GABRP: variants seen among roughly 807,000 people sequenced by gnomAD.
GABRP encodes gamma-aminobutyric acid type A receptor subunit pi.
A neutral mutation model predicts 47.8 loss-of-function variants in GABRP; 52 were observed. That is an observed-to-expected ratio of 1.09 (90% CI 0.87 to 1.37). The LOEUF (loss-of-function observed/expected upper bound fraction) is 1.37. Ranked by LOEUF, GABRP falls within the 40% of genes most tolerant of loss-of-function variation. The pLI, the probability that GABRP is intolerant of heterozygous loss-of-function variation, is 0.00. For synonymous variants in GABRP, 221 were observed against 205.8 expected, an observed-to-expected ratio of 1.07 and a Z score of -0.63; for missense variants, 525 against 542.8, an observed-to-expected ratio of 0.97 and a Z score of 0.33.
chr5:170,795,452 G>T (rs776732258), intron 5 of GABRP, 27 bp downstream of exon 5: 1 of 1,575,668 alleles, frequency 6.3e-7, no homozygotes, highest in South Asian at 1.1e-5. Context: ...GACCTCAGGG[G>T]TGGAGGACGG....
At chr5:170,806,528 C>T (rs978286862) in intron 7 of GABRP, among the ~76,000 whole-genome samples, 4 of 152,150 alleles carry the variant, frequency 2.6e-5, no homozygotes, top group Non-Finnish European at 5.9e-5. Flanking sequence ...CTGCAACCTT[C>T]GCCTCCCAGG....
chr5:170,794,008 G>A (rs1311114917), intron 3 of GABRP, among the ~76,000 whole-genome samples: 2 of 152,124 alleles, frequency 1.3e-5, no homozygotes, highest in Non-Finnish European at 2.9e-5. Context: ...AGATACCTAT[G>A]TATGTGTGCA....
At position 170,809,716 on chromosome 5, in the gene GABRP, T is replaced by A; in HGVS notation, c.981T>A (p.Ala327=). 6.2e-7 allele frequency: 1 copy of A among 1,608,828 alleles called. No individual in the cohort carries two copies. Among genetic ancestry groups the A allele is most frequent in the Non-Finnish European group, 8.5e-7 (1 of 1,177,506 alleles). The change falls in exon 9 of 10, where the codon GCT becomes GCA. Residue 327 remains alanine, a synonymous_variant. Transcript: ENST00000265294. ...GGGCCTTGCTAGAATATGCAGTTGC[T>A]CACTACAGTTCCTTACAGCAGATGG... ...VFGALLEYAV[A]HYSSLQQMAA...
intron 1 of GABRP, among the ~76,000 whole-genome samples, chr5:170,786,406 C>T (rs1343754160): frequency 6.6e-6 from 1 of 152,220 alleles, no homozygotes; most frequent in Non-Finnish European, 1.5e-5. Flanking sequence ...CTGTTCTTCA[C>T]TGATTTTGTA....
intron 6 of GABRP, among the ~76,000 whole-genome samples, chr5:170,800,200 T>C (rs1056457058): frequency 6.6e-6 from 1 of 152,142 alleles, no homozygotes; most frequent in South Asian, 2.1e-4. Context: ...CATCTACAAC[T>C]ATCTGATCTT....
intron 6 of GABRP, among the ~76,000 whole-genome samples, chr5:170,803,122 A>G (rs1428493141): frequency 1.3e-5 from 2 of 151,984 alleles, no homozygotes; most frequent in Non-Finnish European, 2.9e-5. Flanking sequence ...TGGCTTTAGT[A>G]CATGTTTGGA....
chr5:170,801,545 T>C (rs1486270457), intron 6 of GABRP, among the ~76,000 whole-genome samples: 1 of 152,078 alleles, frequency 6.6e-6, no homozygotes, highest in Non-Finnish European at 1.5e-5. Context: ...CCAAGACCAG[T>C]GTTTGTCCTT....
intron 7 of GABRP, 61 bp from the exon 8 acceptor site, chr5:170,808,539 A>G: frequency 1.3e-6 from 2 of 1,484,876 alleles, no homozygotes; most frequent in South Asian, 1.2e-5. Context: ...TAAGCATCCC[A>G]TAGAGAAACC....
chr5:170,798,052 T>C (rs1765479760), intron 6 of GABRP, among the ~76,000 whole-genome samples: 1 of 152,202 alleles, frequency 6.6e-6, no homozygotes, highest in South Asian at 2.1e-4. Flanking sequence ...TTTGTTTTGT[T>C]CTGTTTTGAG....
chr5:170,786,753 C>T (rs11134653), intron 1 of GABRP, among the ~76,000 whole-genome samples: 17,057 of 152,052 alleles, frequency 0.11, 1,221 homozygotes, highest in South Asian at 0.19. Context: ...TCTAGATATG[C>T]GTGGCACAGT....
At chr5:170,796,399 T>C (rs1293455354) in intron 5 of GABRP, among the ~76,000 whole-genome samples, 1 of 152,218 alleles carries the variant, frequency 6.6e-6, no homozygotes, top group African/African-American at 2.4e-5. Context: ...CATGCATTTG[T>C]GTGTACATGT....
At chr5:170,789,568 T>C (rs1765211884) in intron 3 of GABRP, among the ~76,000 whole-genome samples, 1 of 152,200 alleles carries the variant, frequency 6.6e-6, no homozygotes, top group African/African-American at 2.4e-5. Context: ...GCCACCAGGC[T>C]ACCCCATCTG....
chr5:170,794,371 C>G (rs116424549), intron 4 of GABRP, 73 bp downstream of exon 4: 3 of 637,048 alleles, frequency 4.7e-6, no homozygotes, highest in Admixed American at 4.0e-5. Flanking sequence ...GCTTTCTAGC[C>G]GCTCAAAAAA....
At chr5:170,784,307 G>A (rs963431236) in intron 1 of GABRP, among the ~76,000 whole-genome samples, 2 of 151,956 alleles carry the variant, frequency 1.3e-5, no homozygotes, top group Non-Finnish European at 2.9e-5. Context: ...TTGGGGTTGG[G>A]GGTCACTGTA....
upstream of GABRP, among the ~76,000 whole-genome samples, chr5:170,783,167 A>G (rs1254939028): frequency 6.6e-6 from 1 of 152,126 alleles, no homozygotes; most frequent in Non-Finnish European, 1.5e-5. Context: ...CTGGGCCTCT[A>G]TCCTCTGTGC....
At chr5:170,803,870 A>G (rs1765658266) in intron 6 of GABRP, among the ~76,000 whole-genome samples, 1 of 152,082 alleles carries the variant, frequency 6.6e-6, no homozygotes, top group South Asian at 2.1e-4. Context: ...TCCGCCTCCC[A>G]GGTGCAAGTG....
At chr5:170,797,843 C>T (rs960953713) in intron 6 of GABRP, among the ~76,000 whole-genome samples, 20 of 152,200 alleles carry the variant, frequency 1.3e-4, no homozygotes, top group Non-Finnish European at 2.5e-4. Context: ...GGTCAGCAAA[C>T]AACGGCTGGT....
rs189632864 is a variant in GABRP at position 170,789,097 on chromosome 5, A to G, written c.54-32A>G. On this transcript the variant is annotated intron_variant, in intron 2 of 9. Transcript: ENST00000265294. Reference sequence around the variant, plus strand: ...ACACGTGTTGATTCACACATAAACAAGCAAACACAACAAAGCCCATTTCTT... The same window carrying G: ...ACACGTGTTGATTCACACATAAACAGGCAAACACAACAAAGCCCATTTCTT... 2.6e-5 allele frequency: 40 copies of G among 1,553,126 alleles called. No homozygotes were observed. The African/African-American group carries it at 4.5e-4, about 17-fold the overall frequency.
chr5:170,805,090 T>A (rs1176693794), intron 6 of GABRP, among the ~76,000 whole-genome samples: 1 of 149,348 alleles, frequency 6.7e-6, no homozygotes, highest in African/African-American at 2.4e-5. Context: ...TGTAAAGAAA[T>A]GTCCATCTTA....
Sources: gnomAD v4.1 joint callset for allele counts (sites outside exome capture counted in the v4.1 genomes callset) on GRCh38, gnomAD v4.1.1 for gene constraint, MANE v1.5 for transcripts, NCBI Gene and HGNC (gene_info 2026-07-23, HGNC 2026-07-21) for gene names.